RGS3: variants seen among roughly 807,000 people sequenced by gnomAD.
RGS3 encodes the protein regulator of G protein signaling 3.
In RGS3, 80 loss-of-function variants were observed where a neutral mutation model predicts 132.6. The observed-to-expected ratio is 0.60, with a 90% CI of 0.50 to 0.73. RGS3 has a LOEUF of 0.73. Ranked by LOEUF, RGS3 falls within the 30% of genes least tolerant of loss-of-function variation. The pLI is 0.00. For synonymous variants in RGS3, 598 were observed against 620.6 expected, an observed-to-expected ratio of 0.96 and a Z score of 0.54; for missense variants, 1,382 against 1,530.8, an observed-to-expected ratio of 0.90 and a Z score of 1.62.
intron 14 of RGS3, among the ~76,000 whole-genome samples, chr9:113,513,026 GTC>G (rs1252287767): frequency 6.6e-6 from 1 of 151,994 alleles, no homozygotes; most frequent in African/African-American, 2.4e-5. Context: ...GAGAAACTGT[GTC>G]TCTACTAAAA....
intron 1 of RGS3, among the ~76,000 whole-genome samples, chr9:113,454,245 G>C (rs1829317981): frequency 6.6e-6 from 1 of 151,874 alleles, no homozygotes; most frequent in African/African-American, 2.4e-5. Context: ...TGCCTTTTTG[G>C]GTTCTAGATA....
intron 10 of RGS3, among the ~76,000 whole-genome samples, chr9:113,500,020 T>C (rs1830818582): frequency 2.0e-5 from 3 of 152,174 alleles, no homozygotes; most frequent in African/African-American, 7.2e-5. Flanking sequence ...TCGTGATTCA[T>C]GGAAATTACA....
exon 20 of RGS3, chr9:113,583,985 A>T (rs1834969532): frequency 6.2e-7 from 1 of 1,614,112 alleles, no homozygotes. Flanking sequence ...GTGATCCCTG[A>T]GGTCCGGCTG....
At chr9:113,592,979 C>T (rs996878338) in intron 21 of RGS3, 5 of 152,158 alleles carry the variant, frequency 3.3e-5, no homozygotes, top group Admixed American at 2.6e-4. Context: ...TTATTTTACA[C>T]GTGAATAAAC....
intron 17 of RGS3, among the ~76,000 whole-genome samples, chr9:113,526,693 T>C (rs1316677590): frequency 6.6e-6 from 1 of 152,138 alleles, no homozygotes; most frequent in African/African-American, 2.4e-5. Context: ...GGGTCAGACC[T>C]GGGCCAGGAA....
intron 10 of RGS3, among the ~76,000 whole-genome samples, chr9:113,498,921 GA>G (rs755573432): frequency 0.021 from 1,006 of 47,386 alleles, 5 homozygotes; most frequent in African/African-American, 0.041. Context: ...TGTCTCAATT[GA>G]AAAAAAAAAA....
chr9:113,451,161 A>T (rs1829233545), intron 1 of RGS3, among the ~76,000 whole-genome samples: 1 of 150,954 alleles, frequency 6.6e-6, no homozygotes, highest in South Asian at 2.1e-4. Context: ...CCTGGGCAAC[A>T]GTGCAAGACT....
chr9:113,558,299 C>T (rs758576413), intron 19 of RGS3, among the ~76,000 whole-genome samples: 3 of 152,120 alleles, frequency 2.0e-5, no homozygotes, highest in East Asian at 1.9e-4. Context: ...GTCAGGAGTT[C>T]GAGACCAGCC....
chr9:113,539,318 G>A (rs1425786578), intron 19 of RGS3, among the ~76,000 whole-genome samples: 3 of 152,130 alleles, frequency 2.0e-5, no homozygotes, highest in South Asian at 2.1e-4. Flanking sequence ...CTGCTGGACC[G>A]ATTTGCTCTG....
At chr9:113,583,267 CAGGGTG>C in intron 19 of RGS3, 177 bp from the exon 18 acceptor site, 1 of 1,072,532 alleles carries the variant, frequency 9.3e-7, no homozygotes, top group South Asian at 1.7e-5. Context: ...AGCAAGAAGA[CAGGGTG>C]AGAATTGTTA....
At position 113,520,112 on chromosome 9, in the gene RGS3, A is replaced by T. The variant is rs140433191; in HGVS notation, c.1758+2488A>T. On this transcript the variant is annotated intron_variant, in intron 16 of 24. Coordinates refer to ENST00000350696, the Ensembl canonical transcript of RGS3. ...GTGGTAAGGACCCCCTTACCAAGTG[A>T]TCCCTCAACTCTGACCCTTTGGAAA... Among the ~76,000 whole-genome samples the T allele has an allele frequency of 2.3e-3, 346 of 152,342 alleles. 1 individual carries two copies. Among genetic ancestry groups the T allele is most frequent in the Admixed American group, 3.9e-3 (60 of 15,308 alleles).
intron 19 of RGS3, among the ~76,000 whole-genome samples, chr9:113,559,971 CCA>C (rs1413794612): frequency 1.3e-5 from 2 of 152,218 alleles, no homozygotes; most frequent in African/African-American, 4.8e-5. Flanking sequence ...ACCAGGCATT[CCA>C]CATACACCAC....
intron 4 of RGS3, among the ~76,000 whole-genome samples, chr9:113,481,097 C>A (rs1830145137): frequency 6.6e-6 from 1 of 152,228 alleles, no homozygotes; most frequent in Non-Finnish European, 1.5e-5. Flanking sequence ...TCTCCACCTG[C>A]TCTGATTTTG....
upstream of RGS3, among the ~76,000 whole-genome samples, chr9:113,455,451 A>G (rs149793362): frequency 1.2e-4 from 18 of 152,326 alleles, no homozygotes; most frequent in Admixed American, 3.3e-4. Flanking sequence ...GTGCTGAGTC[A>G]TTCTAGCAGA....
chr9:113,460,376 G>A (rs896480331), intron 1 of RGS3: 3 of 242,158 alleles, frequency 1.2e-5, no homozygotes, highest in Admixed American at 5.9e-5. Context: ...AAAATTAGCC[G>A]GGCGTGTTGG....
At chr9:113,580,488 T>C (rs1299693714) in intron 19 of RGS3, among the ~76,000 whole-genome samples, 2 of 152,210 alleles carry the variant, frequency 1.3e-5, no homozygotes, top group Non-Finnish European at 2.9e-5. Flanking sequence ...GAGTCCAGTA[T>C]GATATCACTG....
chr9:113,496,636 C>T (rs569928885), intron 8 of RGS3, among the ~76,000 whole-genome samples: 3 of 151,982 alleles, frequency 2.0e-5, no homozygotes, highest in South Asian at 2.1e-4. Context: ...CTGCAACCTC[C>T]GCCTCCCAGG....
At chr9:113,555,472 AT>A (rs59669332) in intron 19 of RGS3, among the ~76,000 whole-genome samples, 299 of 146,074 alleles carry the variant, frequency 2.0e-3, no homozygotes, top group Middle Eastern at 3.5e-3. Context: ...GGTTGTGACT[AT>A]TTTTTTTTTT....
upstream of RGS3, among the ~76,000 whole-genome samples, chr9:113,456,766 A>G (rs1378425809): frequency 2.0e-5 from 3 of 151,916 alleles, no homozygotes; most frequent in South Asian, 2.1e-4. Flanking sequence ...ATAAAGCCCA[A>G]TCTCCTTATA....
Sources: allele counts gnomAD v4.1 joint callset (sites outside exome capture counted in the v4.1 genomes callset), GRCh38; gene constraint gnomAD v4.1.1; transcripts MANE v1.5; gene names NCBI Gene and HGNC (gene_info 2026-07-23, HGNC 2026-07-21).